TAFA4: variants seen among roughly 807,000 people sequenced by gnomAD.
The protein encoded by TAFA4 is TAFA chemokine like family member 4, also known as chemokine-like protein TAFA-4.
TAFA4 carries 20 observed loss-of-function variants against 21.1 expected under a neutral mutation model. The observed-to-expected ratio is 0.95, with a 90% CI of 0.67 to 1.38. TAFA4 has a LOEUF of 1.38. TAFA4 is among the 40% of genes most tolerant of loss of function. The pLI is 0.00. For synonymous variants in TAFA4, 71 were observed against 67.4 expected, an observed-to-expected ratio of 1.05 and a Z score of -0.26; for missense variants, 211 against 180.9, an observed-to-expected ratio of 1.17 and a Z score of -0.95.
intron 3 of TAFA4, among the ~76,000 whole-genome samples, chr3:68,793,442 T>C (rs1703400086): frequency 6.6e-6 from 1 of 152,194 alleles, no homozygotes; most frequent in South Asian, 2.1e-4. Flanking sequence ...GCAATCCTAT[T>C]TGGTGGTTCA....
At chr3:68,895,348 T>C (rs2089777992) in intron 1 of TAFA4, among the ~76,000 whole-genome samples, 1 of 152,218 alleles carries the variant, frequency 6.6e-6, no homozygotes, top group Non-Finnish European at 1.5e-5. Context: ...TTGGCCAGGC[T>C]GGTCGTGAAC....
intron 3 of TAFA4, among the ~76,000 whole-genome samples, chr3:68,866,900 A>G (rs2089427749): frequency 6.6e-6 from 1 of 151,968 alleles, no homozygotes; most frequent in Non-Finnish European, 1.5e-5. Flanking sequence ...AAGAATGAAA[A>G]GGAACAAAGG....
intron 2 of TAFA4, among the ~76,000 whole-genome samples, chr3:68,884,468 G>A (rs2089651088): frequency 6.6e-6 from 1 of 152,182 alleles, no homozygotes; most frequent in Admixed American, 6.5e-5. Context: ...CCTCCCCACG[G>A]TCTAACTGCT....
At chr3:68,837,733 A>G (rs1339986776) in intron 3 of TAFA4, among the ~76,000 whole-genome samples, 1 of 152,360 alleles carries the variant, frequency 6.6e-6, no homozygotes, top group African/African-American at 2.4e-5. Flanking sequence ...ACAAAGGTTA[A>G]GAAATATTCT....
rs557872869 is a variant in TAFA4, at chr3:68,732,919, G to A, written c.*223C>T. ...TGCTCCTTGGGAATCCAGAGAGGAT[G>A]TCAAATGGGTGGTGGCTTGTGGTTA... On this transcript the variant is annotated 3_prime_UTR_variant, in exon 6 of 6. Transcript: ENST00000295569. 2.6e-5 allele frequency: 14 copies of A among 545,420 alleles called. No homozygotes were observed. Among genetic ancestry groups the A allele is most frequent in the African/African-American group, 2.3e-4 (12 of 53,052 alleles). 33.8% of individuals were successfully genotyped at this position (545,420 alleles called of 1,614,324 possible). A position where few individuals can be genotyped will look rare whatever the true frequency, so the allele number is the denominator to read the frequency against.
intron 1 of TAFA4, among the ~76,000 whole-genome samples, chr3:68,920,622 TTTTTAC>T (rs1297819046): frequency 3.3e-5 from 5 of 151,060 alleles, no homozygotes; most frequent in African/African-American, 9.8e-5. Flanking sequence ...TTAGAAGTGA[TTTTTAC>T]TTTTTCTCTA....
At chr3:68,743,170 T>C (rs1702388910) in intron 4 of TAFA4, among the ~76,000 whole-genome samples, 1 of 152,192 alleles carries the variant, frequency 6.6e-6, no homozygotes, top group Non-Finnish European at 1.5e-5. Flanking sequence ...ACTTGTTATT[T>C]AAATCAGGCA....
intron 4 of TAFA4, 49 bp downstream of exon 4, chr3:68,752,814 G>C: frequency 6.2e-7 from 1 of 1,611,706 alleles, no homozygotes; most frequent in African/African-American, 1.3e-5. Flanking sequence ...ATTCCTGGTG[G>C]GTTTTGGCCT....
intron 3 of TAFA4, among the ~76,000 whole-genome samples, chr3:68,806,069 C>G (rs888095063): frequency 3.9e-5 from 6 of 151,930 alleles, no homozygotes; most frequent in African/African-American, 1.2e-4. Context: ...AAAGGTGGGT[C>G]TTGAATTTGT....
At chr3:68,739,986 A>G (rs1702320073) in intron 4 of TAFA4, among the ~76,000 whole-genome samples, 1 of 152,210 alleles carries the variant, frequency 6.6e-6, no homozygotes, top group Admixed American at 6.5e-5. Context: ...TACAAATATA[A>G]AACAGATCAC....
intron 5 of TAFA4, among the ~76,000 whole-genome samples, chr3:68,735,435 T>A (rs1311769578): frequency 6.6e-6 from 1 of 152,100 alleles, no homozygotes; most frequent in East Asian, 1.9e-4. Flanking sequence ...AGACTAATGG[T>A]TCCCTCATAC....
At chr3:68,795,137 A>G (rs1281323595) in intron 3 of TAFA4, among the ~76,000 whole-genome samples, 2 of 151,790 alleles carry the variant, frequency 1.3e-5, no homozygotes, top group African/African-American at 4.8e-5. Context: ...ATTCAGATAA[A>G]TTAGAGATTA....
At chr3:68,811,028 C>G (rs760834220) in intron 3 of TAFA4, among the ~76,000 whole-genome samples, 11 of 152,348 alleles carry the variant, frequency 7.2e-5, no homozygotes, top group Non-Finnish European at 1.6e-4. Context: ...ATCCACTGTT[C>G]TGCAGCCTCC....
intron 3 of TAFA4, among the ~76,000 whole-genome samples, chr3:68,839,897 A>T (rs76104233): frequency 1.3e-5 from 2 of 152,304 alleles, no homozygotes; most frequent in East Asian, 3.9e-4. Flanking sequence ...GGAAAATGGG[A>T]GAGACCCTTG....
At chr3:68,895,383 C>T (rs748388176) in intron 1 of TAFA4, among the ~76,000 whole-genome samples, 1 of 152,210 alleles carries the variant, frequency 6.6e-6, no homozygotes, top group Non-Finnish European at 1.5e-5. Flanking sequence ...GATCCACCCA[C>T]CTTGGCCTCC....
At chr3:68,842,474 T>A (rs1481754454) in intron 3 of TAFA4, among the ~76,000 whole-genome samples, 4 of 152,208 alleles carry the variant, frequency 2.6e-5, no homozygotes, top group Admixed American at 2.6e-4. Flanking sequence ...TTGCAAAAAT[T>A]TTCTCCCATT....
intron 3 of TAFA4, among the ~76,000 whole-genome samples, chr3:68,790,137 T>C (rs140995427): frequency 2.2e-3 from 335 of 152,254 alleles, no homozygotes; most frequent in Non-Finnish European, 3.0e-3. Flanking sequence ...TATATATAAT[T>C]ATCATATAAA....
chr3:68,754,157 A>G (rs1373376289), intron 3 of TAFA4, among the ~76,000 whole-genome samples: 1 of 152,234 alleles, frequency 6.6e-6, no homozygotes, highest in East Asian at 1.9e-4. Flanking sequence ...TATTTTCTAA[A>G]AACAAAGACA....
chr3:68,759,251 G>T (rs1257637446), intron 3 of TAFA4, among the ~76,000 whole-genome samples: 3 of 152,170 alleles, frequency 2.0e-5, no homozygotes, highest in Non-Finnish European at 2.9e-5. Flanking sequence ...AGGGCCATCT[G>T]TTTTACTCAA....
Sources: gnomAD v4.1 joint callset for allele counts (sites outside exome capture counted in the v4.1 genomes callset) on GRCh38, gnomAD v4.1.1 for gene constraint, MANE v1.5 for transcripts, NCBI Gene and HGNC (gene_info 2026-07-23, HGNC 2026-07-21) for gene names.